HEMK2: variants seen among roughly 807,000 people sequenced by gnomAD.
HEMK2 encodes the protein HemK methyltransferase 2, ETF1 glutamine and histone H4 lysine.
At chr21:28,865,581 C>A in the HEMK2 span, among the ~76,000 whole-genome samples, 5 of 152,200 alleles carry the variant, frequency 3.3e-5, no homozygotes, top group Admixed American at 2.0e-4. Context: ...AATGCTGTTT[C>A]CTGCTCTATC....
At chr21:28,606,087 G>A in the HEMK2 span, among the ~76,000 whole-genome samples, 1 of 152,102 alleles carries the variant, frequency 6.6e-6, no homozygotes, top group African/African-American at 2.4e-5. Context: ...AAGTAGTGTT[G>A]GCAGTACCAG....
At chr21:28,723,007 T>C in the HEMK2 span, among the ~76,000 whole-genome samples, 1 of 151,200 alleles carries the variant, frequency 6.6e-6, no homozygotes, top group Non-Finnish European at 1.5e-5. Flanking sequence ...AGATTTCTTT[T>C]ATTAAAAAAA....
chr21:28,849,455 CA>C, the HEMK2 span, among the ~76,000 whole-genome samples: 9 of 152,312 alleles, frequency 5.9e-5, no homozygotes, highest in African/African-American at 2.2e-4. Flanking sequence ...TCAGGAAACT[CA>C]AAAAGCCAGA....
At chr21:28,798,707 G>A in the HEMK2 span, among the ~76,000 whole-genome samples, 3 of 152,110 alleles carry the variant, frequency 2.0e-5, no homozygotes, top group South Asian at 6.2e-4. Flanking sequence ...GTCATGGTGG[G>A]TGTCATAGTA....
chr21:28,621,614 G>A, the HEMK2 span, among the ~76,000 whole-genome samples: 5 of 152,164 alleles, frequency 3.3e-5, no homozygotes, highest in South Asian at 6.2e-4. Context: ...TATAGGTGTT[G>A]GGATAGGCGG....
At chr21:28,880,949 A>AAAAAAAAAAAAAAAG in the HEMK2 span, among the ~76,000 whole-genome samples, 1 of 139,694 alleles carries the variant, frequency 7.2e-6, no homozygotes, top group African/African-American at 2.5e-5. Context: ...AAAAAAAAAA[A>AAAAAAAAAAAAAAAG]AAACCGGAAA....
chr21:28,735,950 G>A, the HEMK2 span, among the ~76,000 whole-genome samples: 4 of 152,216 alleles, frequency 2.6e-5, no homozygotes, highest in African/African-American at 7.2e-5. Flanking sequence ...GGAAGCCTGG[G>A]CTTGACCGGC....
the HEMK2 span, among the ~76,000 whole-genome samples, chr21:28,587,925 C>T: frequency 6.6e-6 from 1 of 152,182 alleles, no homozygotes; most frequent in African/African-American, 2.4e-5. Context: ...ATGCAGAGAG[C>T]ATTTTGGTCA....
At chr21:28,842,512 C>T in the HEMK2 span, among the ~76,000 whole-genome samples, 4 of 152,132 alleles carry the variant, frequency 2.6e-5, no homozygotes, top group Non-Finnish European at 5.9e-5. Context: ...GTGCTTTCTA[C>T]TGTTCCTTCC....
chr21:28,715,061 AT>A, the HEMK2 span, among the ~76,000 whole-genome samples: 1 of 152,152 alleles, frequency 6.6e-6, no homozygotes, highest in Non-Finnish European at 1.5e-5. Context: ...CCTAGGTTGA[AT>A]CAATGTCTTT....
At chr21:28,831,588 AAGG>A in the HEMK2 span, among the ~76,000 whole-genome samples, 9 of 81,818 alleles carry the variant, frequency 1.1e-4, no homozygotes, top group Admixed American at 1.3e-4. Flanking sequence ...AGAAGGAAAG[AAGG>A]AAAGAAGGAA....
the HEMK2 span, among the ~76,000 whole-genome samples, chr21:28,663,848 C>G: frequency 6.6e-6 from 1 of 152,128 alleles, no homozygotes; most frequent in Non-Finnish European, 1.5e-5. Context: ...GAGGGTTTGG[C>G]ATTTACTTCA....
the HEMK2 span, among the ~76,000 whole-genome samples, chr21:28,823,428 G>A: frequency 6.0e-3 from 917 of 152,264 alleles, 8 homozygotes; most frequent in Non-Finnish European, 6.4e-3. Flanking sequence ...TAAAAACATA[G>A]ATTTGGATAT....
At chr21:28,863,282 G>A in the HEMK2 span, among the ~76,000 whole-genome samples, 1 of 151,276 alleles carries the variant, frequency 6.6e-6, no homozygotes, top group East Asian at 2.0e-4. Flanking sequence ...GATGCTTCCT[G>A]CCCGTGAACG....
the HEMK2 span, among the ~76,000 whole-genome samples, chr21:28,601,316 C>T: frequency 6.6e-6 from 1 of 152,222 alleles, no homozygotes; most frequent in Non-Finnish European, 1.5e-5. Flanking sequence ...AGCATCCTCA[C>T]TGCACTTCCC....
At chr21:28,687,467 A>G in the HEMK2 span, among the ~76,000 whole-genome samples, 517 of 152,340 alleles carry the variant, frequency 3.4e-3, 2 homozygotes, top group Non-Finnish European at 5.7e-3. Context: ...ATACATTTTT[A>G]TATCATTTAT....
the HEMK2 span, chr21:28,873,284 A>G: frequency 6.6e-6 from 1 of 152,354 alleles, no homozygotes; most frequent in South Asian, 2.1e-4. Context: ...CAATATTTAA[A>G]CACTATGCTA....
At chr21:28,872,776 T>G in the HEMK2 span, 2 of 152,022 alleles carry the variant, frequency 1.3e-5, no homozygotes, top group Non-Finnish European at 2.9e-5. Flanking sequence ...GCTCAAACAA[T>G]GAGGCAGGAA....
At chr21:28,663,315 G>A in the HEMK2 span, among the ~76,000 whole-genome samples, 1 of 152,214 alleles carries the variant, frequency 6.6e-6, no homozygotes, top group Non-Finnish European at 1.5e-5. Context: ...GGACTGCAGT[G>A]CGGTAATGTG....
Sources: gnomAD v4.1 joint callset for allele counts (sites outside exome capture counted in the v4.1 genomes callset) on GRCh38, gnomAD v4.1.1 for gene constraint, MANE v1.5 for transcripts, NCBI Gene and HGNC (gene_info 2026-07-23, HGNC 2026-07-21) for gene names.